Variants in PSD3 observed in about 807,000 individuals in gnomAD.
The protein encoded by PSD3 is pleckstrin and Sec7 domain containing 3, also known as PH and SEC7 domain-containing protein 3.
A neutral mutation model predicts 105.5 loss-of-function variants in PSD3; 49 were observed. The ratio of observed to expected loss-of-function variants is 0.46; its 90% confidence interval spans 0.37 to 0.59. The LOEUF is 0.59. Among genes scored for constraint, PSD3 ranks in the 20% least tolerant of loss-of-function variants. PSD3 has a pLI of 0.00. For missense variants in PSD3, 1,561 were observed against 1,263.8 expected (o/e 1.24, Z -3.57); for synonymous variants, 557 against 457.8 (o/e 1.22, Z -2.77).
At chr8:18,690,880 G>C (rs566206393) in intron 9 of PSD3, among the ~76,000 whole-genome samples, 13 of 152,194 alleles carry the variant, frequency 8.5e-5, no homozygotes, top group Admixed American at 7.8e-4. Context: ...ATCTCAATTG[G>C]ACATAAAACT....
intron 1 of PSD3, among the ~76,000 whole-genome samples, chr8:18,975,318 T>C: frequency 8.4e-6 from 1 of 119,102 alleles, no homozygotes; most frequent in East Asian, 2.2e-4. Flanking sequence ...TCTGAAATTT[T>C]TTTTTTTTTT....
intron 1 of PSD3, among the ~76,000 whole-genome samples, chr8:18,988,231 A>G (rs1484305978): frequency 6.6e-6 from 1 of 152,126 alleles, no homozygotes; most frequent in East Asian, 1.9e-4. Flanking sequence ...AGTCCTTTGC[A>G]AAGATTTGAC....
Position 18,666,728 on chromosome 8 carries a change from G to T in PSD3, c.2173-11043C>A, listed in dbSNP as rs112162053. On this transcript the variant is annotated intron_variant, in intron 9 of 15. Coordinates refer to ENST00000327040, the MANE Select transcript of PSD3 (RefSeq NM_015310.4). ...AGCTTCACTATTGCTTTTTTTTGGGGGGTGGGGGGAAGTAGCTGGAAGCAC... is the reference window on the plus strand; with the variant it reads ...AGCTTCACTATTGCTTTTTTTTGGGTGGTGGGGGGAAGTAGCTGGAAGCAC... Among the ~76,000 whole-genome samples the T allele has an allele frequency of 1.6e-4, 23 of 148,378 alleles. 1 individual carries two copies. The highest frequency in any genetic ancestry group is 5.9e-4 in the African/African-American group (23 of 38,670).
intron 9 of PSD3, among the ~76,000 whole-genome samples, chr8:18,661,759 G>C (rs916313484): frequency 6.6e-6 from 1 of 152,146 alleles, no homozygotes; most frequent in African/African-American, 2.4e-5. Flanking sequence ...ATAGCCTGAA[G>C]GCTTGACCAC....
At chr8:18,841,149 T>C (rs1295536319) in intron 4 of PSD3, among the ~76,000 whole-genome samples, 1 of 152,176 alleles carries the variant, frequency 6.6e-6, no homozygotes, top group Non-Finnish European at 1.5e-5. Context: ...CTGCCAGCAT[T>C]GACAACTCAG....
At chr8:18,594,249 T>TA (rs1803877889) in intron 12 of PSD3, among the ~76,000 whole-genome samples, 3 of 20,714 alleles carry the variant, frequency 1.4e-4, no homozygotes, top group African/African-American at 5.1e-4. Context: ...TTATTATATA[T>TA]ATTATATAAT....
chr8:18,935,669 T>A (rs1822069862), intron 2 of PSD3, among the ~76,000 whole-genome samples: 1 of 149,100 alleles, frequency 6.7e-6, no homozygotes, highest in African/African-American at 2.5e-5. Context: ...GCATGCCAGC[T>A]TGGATGACAG....
At chr8:18,595,857 A>T (rs1162856813) in intron 12 of PSD3, among the ~76,000 whole-genome samples, 1 of 152,074 alleles carries the variant, frequency 6.6e-6, no homozygotes, top group East Asian at 1.9e-4. Flanking sequence ...TCTAGACAGA[A>T]GACTAATAAA....
Position 18,808,776 on chromosome 8 carries a change from G to A in PSD3, c.1635-3878C>T, listed in dbSNP as rs182646760. 5.9e-5 allele frequency: 95 copies of A among 1,613,996 alleles called. No homozygotes were observed. In the Middle Eastern group the frequency reaches 1.8e-3, roughly 31 times the overall value. On this transcript the variant is annotated intron_variant, in intron 4 of 15. Transcript: ENST00000327040. ...TTACCAGCAACCATACAGACACCAA[G>A]AAGAGCCCATCGCAACCCCTGGGGT...
intron 10 of PSD3, among the ~76,000 whole-genome samples, chr8:18,634,907 T>A (rs746938302): frequency 6.6e-6 from 1 of 152,142 alleles, no homozygotes; most frequent in Non-Finnish European, 1.5e-5. Flanking sequence ...TGGGGAGATA[T>A]CTTGTAACTA....
intron 1 of PSD3, among the ~76,000 whole-genome samples, chr8:19,010,214 G>C (rs1826889528): frequency 6.6e-6 from 1 of 152,112 alleles, no homozygotes; most frequent in Non-Finnish European, 1.5e-5. Flanking sequence ...TGCAGGAAGG[G>C]GAGAAGAGCG....
intron 4 of PSD3, among the ~76,000 whole-genome samples, chr8:18,832,293 C>T (rs934846574): frequency 3.3e-5 from 5 of 151,952 alleles, no homozygotes; most frequent in Non-Finnish European, 5.9e-5. Flanking sequence ...CAAGGATGCA[C>T]AGAGGTCATC....
intron 1 of PSD3, among the ~76,000 whole-genome samples, chr8:19,058,281 T>A (rs534629569): frequency 1.4e-4 from 21 of 152,126 alleles, no homozygotes; most frequent in African/African-American, 4.8e-4. Flanking sequence ...TTCCAGGGAT[T>A]ATGGGTGGGG....
chr8:18,627,924 GAATA>G (rs1270046427), intron 11 of PSD3, among the ~76,000 whole-genome samples: 9 of 151,842 alleles, frequency 5.9e-5, no homozygotes, highest in Admixed American at 5.3e-4. Context: ...ATTATAAACA[GAATA>G]AATATATTCA....
chr8:18,737,065 A>G (rs1259370901), intron 9 of PSD3, among the ~76,000 whole-genome samples: 4 of 152,200 alleles, frequency 2.6e-5, no homozygotes, highest in East Asian at 3.9e-4. Flanking sequence ...TTAGTTGTCC[A>G]TTGGAATCAC....
chr8:18,804,789 C>T lies in PSD3; in HGVS notation c.1744G>A (p.Val582Met). 1 of 1,614,164 alleles carries T rather than the reference C, an allele frequency of 6.2e-7. No homozygotes were observed. Among genetic ancestry groups the T allele is most frequent in the Non-Finnish European group, 8.5e-7 (1 of 1,179,994 alleles). ...ENLSNGTSSN[V>M]EAAKRLAKRL... Reference sequence around the variant, plus strand: ...TTGGCCAACCTTTTGGCTGCTTCCACATTGCTGCTGGTACCATTACTGAGA... The same window carrying T: ...TTGGCCAACCTTTTGGCTGCTTCCATATTGCTGCTGGTACCATTACTGAGA... The change falls in exon 5 of 16, where the codon GTG (valine) becomes ATG (methionine). Residue 582 changes from valine (V) to methionine (M), a missense_variant. Transcript: ENST00000327040.
At chr8:18,752,598 T>TATA (rs1805668880) in intron 9 of PSD3, among the ~76,000 whole-genome samples, 1 of 84,954 alleles carries the variant, frequency 1.2e-5, no homozygotes, top group Non-Finnish European at 2.0e-5. Context: ...ATATATTATA[T>TATA]ATTATATATA....
rs1245753484 is a variant in PSD3, at chr8:19,013,676, T to C, written c.-93A>G. The C allele has an allele frequency of 3.6e-6, 4 of 1,114,518 alleles. No homozygotes were observed. Among genetic ancestry groups the C allele is most frequent in the South Asian group, 7.7e-5 (2 of 26,028 alleles). The allele number at this position is 1,114,518 out of a possible 1,614,324, so 69.0% of individuals were successfully genotyped here. A position where few individuals can be genotyped will look rare whatever the true frequency, so the allele number is the denominator to read the frequency against. On this transcript the variant is annotated 5_prime_UTR_variant, in exon 1 of 16. Transcript: ENST00000327040. Reference sequence around the variant, plus strand: ...GCGAGTGCCGGCGGCCAGCGCCGCGTGCTCTTTGTTGAGCTCCCGGGACTG... The same window carrying C: ...GCGAGTGCCGGCGGCCAGCGCCGCGCGCTCTTTGTTGAGCTCCCGGGACTG...
chr8:18,593,940 C>A (rs1803805940), intron 12 of PSD3, among the ~76,000 whole-genome samples: 2 of 112,720 alleles, frequency 1.8e-5, no homozygotes. Flanking sequence ...CACTTGGACA[C>A]AGGAAGGGGA....
Sources: allele counts gnomAD v4.1 joint callset (sites outside exome capture counted in the v4.1 genomes callset), GRCh38; gene constraint gnomAD v4.1.1; transcripts MANE v1.5; gene names NCBI Gene and HGNC (gene_info 2026-07-23, HGNC 2026-07-21).